ZNF618: variants seen among roughly 807,000 people sequenced by gnomAD.
The protein encoded by ZNF618 is zinc finger protein 618.
ZNF618 carries 34 observed loss-of-function variants against 103.0 expected under a neutral mutation model. The observed-to-expected ratio is 0.33, with a 90% confidence interval of 0.25 to 0.44. The LOEUF (loss-of-function observed/expected upper bound fraction) is 0.44, where lower values mean the gene tolerates loss of function less well. Ranked by LOEUF, ZNF618 falls within the 20% of genes least tolerant of loss-of-function variation. The pLI, the probability that ZNF618 is intolerant of heterozygous loss-of-function variation, is 1.00. For missense variants in ZNF618, 1,059 were observed against 1,295.4 expected (o/e 0.82, Z 2.80); for synonymous variants, 551 against 542.2 (o/e 1.02, Z -0.23).
At chr9:113,947,249 G>A (rs1320438950) in intron 1 of ZNF618, among the ~76,000 whole-genome samples, 1 of 152,162 alleles carries the variant, frequency 6.6e-6, no homozygotes, top group East Asian at 1.9e-4. Flanking sequence ...ATCAGAGCTG[G>A]ATTTGAACCT....
chr9:114,024,877 G>T (rs1843366991), intron 10 of ZNF618, among the ~76,000 whole-genome samples: 1 of 152,068 alleles, frequency 6.6e-6, no homozygotes, highest in Admixed American at 6.5e-5. Flanking sequence ...TCTCTTCTTT[G>T]TTAATTTGCC....
chr9:114,044,651 A>T (rs1285614343), intron 13 of ZNF618, among the ~76,000 whole-genome samples: 1 of 152,118 alleles, frequency 6.6e-6, no homozygotes, highest in African/African-American at 2.4e-5. Flanking sequence ...TTTTCACAAT[A>T]TTGATTCTAC....
chr9:113,896,038 A>G (rs1830009473), intron 1 of ZNF618, among the ~76,000 whole-genome samples: 2 of 145,324 alleles, frequency 1.4e-5, no homozygotes, highest in Non-Finnish European at 3.0e-5. Context: ...TCCTAAACTG[A>G]TTTTTTTTGT....
At chr9:113,932,594 G>C (rs1355594674) in intron 1 of ZNF618, among the ~76,000 whole-genome samples, 5 of 152,110 alleles carry the variant, frequency 3.3e-5, no homozygotes, top group South Asian at 2.1e-4. Context: ...AGTGAGGAGA[G>C]GCTACGTTGA....
intron 2 of ZNF618, among the ~76,000 whole-genome samples, chr9:113,971,063 A>G (rs1588191638): frequency 6.7e-6 from 1 of 150,300 alleles, no homozygotes. Context: ...ATTGGGGGTG[A>G]CCCAAGTAGC....
At position 113,988,203 on chromosome 9, in the gene ZNF618, G is replaced by A. The variant is rs111249117; in HGVS notation, c.78-118G>A. 3.7e-3 allele frequency: 4,900 copies of A among 1,340,980 alleles called. 85 individuals carry two copies. In the East Asian group the frequency reaches 0.045, roughly 12 times the overall value. 83.1% of individuals were successfully genotyped at this position (1,340,980 alleles called of 1,614,324 possible). ...GGTTGTGTGGGAGGCTAAGGGGGCCGGGGGCCCTAGAATTCACTATGCACA... is the reference window on the plus strand; with the variant it reads ...GGTTGTGTGGGAGGCTAAGGGGGCCAGGGGCCCTAGAATTCACTATGCACA... On this transcript the variant is annotated intron_variant, in intron 2 of 14. Transcript: ENST00000374126.
At chr9:114,007,312 A>G in intron 6 of ZNF618, 38 bp from the exon 7 acceptor site, 1 of 1,595,756 alleles carries the variant, frequency 6.3e-7, no homozygotes, top group Non-Finnish European at 8.6e-7. Context: ...ACAAGACTGA[A>G]GCCCTGGTAA....
intron 10 of ZNF618, among the ~76,000 whole-genome samples, chr9:114,021,646 C>T (rs1214209554): frequency 6.6e-6 from 1 of 152,032 alleles, no homozygotes; most frequent in African/African-American, 2.4e-5. Flanking sequence ...TTGACCTATG[C>T]ATGCACCCAT....
Position 114,008,547 on chromosome 9 carries a change from C to G in ZNF618, c.747C>G (p.Ile249Met). 1 of 1,613,898 alleles carries G rather than the reference C, an allele frequency of 6.2e-7. No homozygotes were observed. The highest frequency in any genetic ancestry group is 8.5e-7 in the Non-Finnish European group (1 of 1,179,866). The change falls in exon 9 of 15, where the codon ATC (isoleucine) becomes ATG (methionine). Residue 249 changes from isoleucine (I) to methionine (M), a missense_variant. Ile to Met is a conservative substitution (Grantham distance 10). Around this residue, in one of 6 missense-constraint regions of ZNF618, gnomAD observed 434 missense variants for 476.0 expected, o/e 0.91. Transcript: ENST00000374126. ...KEEPPEPFQKIGPKTGNYTCE... is the reference protein window; with the variant it reads ...KEEPPEPFQKMGPKTGNYTCE... ...AGCCCCCGGAGCCATTCCAGAAAATCGGGCCAAGTATGCGGGATTCCCTCT... is the reference window on the plus strand; with the variant it reads ...AGCCCCCGGAGCCATTCCAGAAAATGGGGCCAAGTATGCGGGATTCCCTCT...
intron 1 of ZNF618, among the ~76,000 whole-genome samples, chr9:113,892,364 G>A (rs1387102420): frequency 6.6e-6 from 1 of 152,260 alleles, no homozygotes; most frequent in East Asian, 1.9e-4. Context: ...TAGGGAATAT[G>A]ACAAGGAAAA....
rs1846403998 is a variant in ZNF618 at position 114,055,285 on chromosome 9, G to A, written c.*5118G>A. ...CTTCCCTCCCGCCCAGCCAGGGTGGGCGGCATCCTACGCGGTGAAACGAGC... is the reference window on the plus strand; with the variant it reads ...CTTCCCTCCCGCCCAGCCAGGGTGGACGGCATCCTACGCGGTGAAACGAGC... On this transcript the variant is annotated 3_prime_UTR_variant, in exon 15 of 15. Transcript: ENST00000374126. 1 of 152,352 alleles carries A rather than the reference G, an allele frequency of 6.6e-6. No homozygotes were observed. Among genetic ancestry groups the A allele is most frequent in the Non-Finnish European group, 1.5e-5 (1 of 68,022 alleles). The allele number at this position is 152,352 out of a possible 1,614,324, so 9.4% of individuals were successfully genotyped here. A position where few individuals can be genotyped will look rare whatever the true frequency, so the allele number is the denominator to read the frequency against.
chr9:113,918,064 C>T (rs1371019896), intron 1 of ZNF618, among the ~76,000 whole-genome samples: 1 of 152,172 alleles, frequency 6.6e-6, no homozygotes, highest in African/African-American at 2.4e-5. Context: ...CAGTCAGGGG[C>T]AGATCCTTGG....
intron 1 of ZNF618, among the ~76,000 whole-genome samples, chr9:113,925,265 C>T (rs561475600): frequency 3.3e-5 from 5 of 152,082 alleles, no homozygotes; most frequent in African/African-American, 1.2e-4. Flanking sequence ...CTCTTTATCC[C>T]TGATAATTTT....
chr9:113,961,815 C>T (rs1836865274), intron 1 of ZNF618, among the ~76,000 whole-genome samples: 1 of 152,172 alleles, frequency 6.6e-6, no homozygotes, highest in Admixed American at 6.5e-5. Context: ...TTAGGGACAC[C>T]TGGTGAATAA....
chr9:113,951,183 T>G (rs1835532389), intron 1 of ZNF618, among the ~76,000 whole-genome samples: 1 of 151,440 alleles, frequency 6.6e-6, no homozygotes, highest in East Asian at 2.0e-4. Context: ...CTGGACTAGC[T>G]GTGTGGCTTT....
intron 10 of ZNF618, among the ~76,000 whole-genome samples, chr9:114,027,279 G>A (rs1309708691): frequency 1.3e-5 from 2 of 152,210 alleles, no homozygotes; most frequent in Non-Finnish European, 2.9e-5. Context: ...TCCCAAGAGT[G>A]GCAGCTCAGG....
chr9:114,002,785 G>C, intron 6 of ZNF618, 123 bp downstream of exon 6: 1 of 1,071,792 alleles, frequency 9.3e-7, no homozygotes, highest in South Asian at 1.6e-5. Flanking sequence ...CAGTGCTGGG[G>C]TCCAAGCTTG....
intron 1 of ZNF618, among the ~76,000 whole-genome samples, chr9:113,920,542 C>A (rs1005866172): frequency 2.6e-5 from 4 of 151,978 alleles, no homozygotes; most frequent in African/African-American, 9.7e-5. Flanking sequence ...GCTGGGATTA[C>A]AGGCGCCCGC....
intron 1 of ZNF618, among the ~76,000 whole-genome samples, chr9:113,890,561 C>T (rs1475279699): frequency 6.6e-6 from 1 of 152,224 alleles, no homozygotes; most frequent in Non-Finnish European, 1.5e-5. Flanking sequence ...TTATAACCTA[C>T]TCTGTGAGAA....
Sources: allele counts gnomAD v4.1 joint callset (sites outside exome capture counted in the v4.1 genomes callset), GRCh38; gene constraint gnomAD v4.1.1; regional missense constraint gnomAD v4.1.1; transcripts MANE v1.5; gene names NCBI Gene and HGNC (gene_info 2026-07-23, HGNC 2026-07-21).